SLC6A11: variants seen among roughly 807,000 people sequenced by gnomAD.
SLC6A11 encodes the protein sodium- and chloride-dependent GABA transporter 3.
SLC6A11 carries 25 observed loss-of-function variants against 74.8 expected under a neutral mutation model. That is an observed-to-expected ratio of 0.33 (90% CI 0.24 to 0.47). The LOEUF (loss-of-function observed/expected upper bound fraction) is 0.47. SLC6A11 is among the 20% of genes least tolerant of loss of function. The pLI is 1.00. For synonymous variants in SLC6A11, 330 were observed against 330.2 expected, an observed-to-expected ratio of 1.00 and a Z score of 0.01; for missense variants, 574 against 837.0, an observed-to-expected ratio of 0.69 and a Z score of 3.88.
chr3:10,918,882 C>A lies in SLC6A11; in HGVS notation c.1120+429C>A, dbSNP rs905515634. The stretch of plus-strand genomic sequence containing the variant: ...TGAACATGTCTTCTCTGATGAAAAG[C>A]CTTTCTTGGCTTCTCATAGTGCTGG... On this transcript the variant is annotated intron_variant, in intron 8 of 13. Transcript: ENST00000254488. The surrounding 1 kb of genome is among the most constrained non-coding windows in gnomAD (Gnocchi z 4.5). Among the ~76,000 whole-genome samples, 6 of 151,896 alleles carry A rather than the reference C, an allele frequency of 4.0e-5. No individual in the cohort carries two copies. The highest frequency in any genetic ancestry group is 1.5e-4 in the African/African-American group (6 of 41,298).
intron 6 of SLC6A11, among the ~76,000 whole-genome samples, chr3:10,893,619 T>G (rs555999429): frequency 6.6e-5 from 10 of 152,276 alleles, no homozygotes; most frequent in African/African-American, 2.2e-4. Context: ...AAGCATAGTC[T>G]TCTCACCAAA....
chr3:10,933,004 T>G lies in SLC6A11; in HGVS notation c.1372-147T>G. On this transcript the variant is annotated intron_variant, in intron 10 of 13. Coordinates refer to ENST00000254488, the MANE Select transcript of SLC6A11 (RefSeq NM_014229.3). ...GCTCCCAGATGGGAGGGTGCAATTTTCAAACTGGGAAGACTAGGGAGAAAC... is the reference window on the plus strand; with the variant it reads ...GCTCCCAGATGGGAGGGTGCAATTTGCAAACTGGGAAGACTAGGGAGAAAC... 4.6e-6 allele frequency: 3 copies of G among 651,988 alleles called. No individual in the cohort carries two copies. In the East Asian group the frequency reaches 7.8e-5, roughly 17 times the overall value. The allele number at this position is 651,988 out of a possible 1,614,324, so 40.4% of individuals were successfully genotyped here.
At chr3:10,826,859 G>A (rs1015588341) in intron 4 of SLC6A11, among the ~76,000 whole-genome samples, 1 of 151,194 alleles carries the variant, frequency 6.6e-6, no homozygotes, top group Non-Finnish European at 1.5e-5. Flanking sequence ...CCAAGGGCAG[G>A]CAAGGGCAGT....
At chr3:10,902,096 G>C (rs1271440166) in intron 6 of SLC6A11, among the ~76,000 whole-genome samples, 2 of 152,168 alleles carry the variant, frequency 1.3e-5, no homozygotes. Context: ...CTGTGTGTGT[G>C]TGTGTGTGTG....
chr3:10,832,774 G>T (rs929635839), intron 4 of SLC6A11, among the ~76,000 whole-genome samples: 1 of 152,184 alleles, frequency 6.6e-6, no homozygotes, highest in African/African-American at 2.4e-5. Flanking sequence ...TCTTCCGTCA[G>T]TTCCCTTTCA....
At chr3:10,868,592 C>G (rs1002716691) in intron 5 of SLC6A11, among the ~76,000 whole-genome samples, 2 of 152,242 alleles carry the variant, frequency 1.3e-5, no homozygotes, top group Non-Finnish European at 2.9e-5. Flanking sequence ...TGCCTCCTTT[C>G]ATGGACTGAG....
intron 9 of SLC6A11, among the ~76,000 whole-genome samples, chr3:10,927,982 G>A (rs898905012): frequency 1.3e-5 from 2 of 152,158 alleles, no homozygotes; most frequent in Non-Finnish European, 1.5e-5. Flanking sequence ...AGATCACCTC[G>A]TTCAAATCCA....
intron 13 of SLC6A11, among the ~76,000 whole-genome samples, chr3:10,937,308 G>A (rs750784): frequency 0.031 from 4,758 of 152,260 alleles, 104 homozygotes; most frequent in East Asian, 0.07. Flanking sequence ...TTTGGAACGC[G>A]TGCTCTAGCC....
At chr3:10,906,879 G>C (rs3821757) in intron 6 of SLC6A11, among the ~76,000 whole-genome samples, 22,338 of 152,138 alleles carry the variant, frequency 0.15, 2,805 homozygotes, top group African/African-American at 0.3. Context: ...GGAAAGTTCA[G>C]ACTGCAAGTC....
At chr3:10,893,775 A>C (rs924416616) in intron 6 of SLC6A11, among the ~76,000 whole-genome samples, 1 of 152,094 alleles carries the variant, frequency 6.6e-6, no homozygotes, top group South Asian at 2.1e-4. Context: ...GTGTTTCACT[A>C]TGTCAGCTTC....
chr3:10,879,156 G>T (rs1039853739), intron 6 of SLC6A11, among the ~76,000 whole-genome samples: 2 of 152,162 alleles, frequency 1.3e-5, no homozygotes, highest in African/African-American at 4.8e-5. Flanking sequence ...TTAACAAAAA[G>T]TCTAATAACC....
At chr3:10,867,452 C>T (rs1694779278) in intron 5 of SLC6A11, among the ~76,000 whole-genome samples, 1 of 152,146 alleles carries the variant, frequency 6.6e-6, no homozygotes, top group African/African-American at 2.4e-5. Context: ...GTTAGAGATA[C>T]TGTATGAGAT....
Position 10,938,305 on chromosome 3 carries a change from G to A in SLC6A11, c.1802G>A (p.Gly601Glu). ...STDLKMRGKL[G>E]VSPRMVTVND... is the part of the protein sequence containing the mutation. ...GATCTGAAAATGCGGGGCAAGCTTG[G>A]GGTGAGCCCACGGATGGTGACAGTT... The change falls in exon 14 of 14, where the codon GGG becomes GAG. Residue 601 changes from glycine (G) to glutamate (E), a missense_variant. By Grantham distance (98) the Gly-to-Glu change is moderately conservative. Around this residue, in one of 4 missense-constraint regions of SLC6A11, gnomAD observed 257 missense variants for 341.5 expected, o/e 0.75. Coordinates refer to ENST00000254488, the MANE Select transcript of SLC6A11 (RefSeq NM_014229.3). 1 of 1,612,964 alleles carries A rather than the reference G, an allele frequency of 6.2e-7. No homozygotes were observed. Among genetic ancestry groups the A allele is most frequent in the Non-Finnish European group, 8.5e-7 (1 of 1,179,176 alleles).
rs572544875 is a variant in SLC6A11 at position 10,864,109 on chromosome 3, A to G, written c.757-10852A>G. ...ATCTTCCATTTCTCCCAAGTGAAGC[A>G]TTTTTCCCTCTTGAGCCCTCTGTGT... On this transcript the variant is annotated intron_variant, in intron 5 of 13. Coordinates refer to ENST00000254488, the MANE Select transcript of SLC6A11 (RefSeq NM_014229.3). 2.6e-5 allele frequency among the ~76,000 whole-genome samples: 4 copies of G among 152,006 alleles called. No homozygotes were observed. In the East Asian group the frequency reaches 7.8e-4, roughly 30 times the overall value.
At chr3:10,935,280 G>C (rs749330633) in intron 13 of SLC6A11, 81 bp downstream of exon 13, 4 of 1,320,410 alleles carry the variant, frequency 3.0e-6, no homozygotes, top group Non-Finnish European at 4.3e-6. Flanking sequence ...CATGGTGCGC[G>C]ATGACGGCCT....
intron 6 of SLC6A11, among the ~76,000 whole-genome samples, chr3:10,882,626 G>A (rs1380645660): frequency 6.6e-6 from 1 of 152,208 alleles, no homozygotes; most frequent in Non-Finnish European, 1.5e-5. Context: ...AGTGAACAAA[G>A]GAAGGAAGGA....
intron 5 of SLC6A11, among the ~76,000 whole-genome samples, chr3:10,874,227 A>G (rs914498072): frequency 6.6e-6 from 1 of 152,244 alleles, no homozygotes. Flanking sequence ...TGTATCACAC[A>G]TGTGTTATGT....
At chr3:10,823,821 C>T (rs1428787195) in intron 4 of SLC6A11, 4 of 170,882 alleles carry the variant, frequency 2.3e-5, no homozygotes, top group Non-Finnish European at 5.1e-5. Flanking sequence ...AGAAGGAGAT[C>T]AAATTTAATG....
intron 5 of SLC6A11, among the ~76,000 whole-genome samples, chr3:10,848,902 A>G (rs1408630724): frequency 1.3e-5 from 2 of 152,198 alleles, no homozygotes; most frequent in Admixed American, 6.5e-5. Flanking sequence ...AGATTTGTCC[A>G]AAGCTACCCA....
Sources: gnomAD v4.1 joint callset for allele counts (sites outside exome capture counted in the v4.1 genomes callset) on GRCh38, gnomAD v4.1.1 for gene constraint, gnomAD v4.1.1 regional missense constraint, Gnocchi (gnomAD v3.1) non-coding constraint, MANE v1.5 for transcripts, NCBI Gene and HGNC (gene_info 2026-07-23, HGNC 2026-07-21) for gene names.